The following DCAF5 variants were observed in gnomAD, a reference collection of about 807,000 sequenced individuals.
The protein encoded by DCAF5 is DDB1 and CUL4 associated factor 5.
DCAF5 carries 9 observed loss-of-function variants against 80.7 expected under a neutral mutation model. That is an observed-to-expected ratio of 0.11 (90% CI 0.07 to 0.19). DCAF5 has a LOEUF of 0.19. Ranked by LOEUF, DCAF5 falls within the 10% of genes least tolerant of loss-of-function variation. The pLI, the probability that DCAF5 is intolerant of heterozygous loss-of-function variation, is 1.00. For synonymous variants in DCAF5, 433 were observed against 461.9 expected, an observed-to-expected ratio of 0.94 and a Z score of 0.80; for missense variants, 842 against 1,205.7, an observed-to-expected ratio of 0.70 and a Z score of 4.47.
intron 1 of DCAF5, among the ~76,000 whole-genome samples, chr14:69,140,480 C>T (rs888296452): frequency 1.3e-5 from 2 of 152,114 alleles, no homozygotes; most frequent in East Asian, 1.9e-4. Flanking sequence ...TCATATTTTA[C>T]AGATGACTGT....
chr14:69,086,452 T>A (rs1489517997), intron 6 of DCAF5, among the ~76,000 whole-genome samples: 1 of 150,124 alleles, frequency 6.7e-6, no homozygotes. Flanking sequence ...AAGATATAAA[T>A]GGCAAGGAGA....
At chr14:69,079,331 C>T (rs1443461995) in intron 6 of DCAF5, among the ~76,000 whole-genome samples, 3 of 152,226 alleles carry the variant, frequency 2.0e-5, no homozygotes, top group Non-Finnish European at 2.9e-5. Context: ...TATGACAGCT[C>T]CTAAAATATG....
chr14:69,056,332 A>G (rs35889366), intron 8 of DCAF5, among the ~76,000 whole-genome samples: 1,659 of 152,292 alleles, frequency 0.011, 29 homozygotes, highest in African/African-American at 0.038. Flanking sequence ...ACATGCCCCA[A>G]GGACAGGTAA....
intron 6 of DCAF5, chr14:69,084,191 A>C: frequency 1.1e-6 from 1 of 950,520 alleles, no homozygotes. Flanking sequence ...TGGTGTTCTT[A>C]AGGAGCTAAT....
chr14:69,118,379 G>C lies in DCAF5; in HGVS notation c.396-101C>G, dbSNP rs574040649. ...GAGGGTGCCATCTTTTCCATTTCTA[G>C]AAGAAAGTCAACCTAGCTAAACCCA... On this transcript the variant is annotated intron_variant, in intron 3 of 8. Coordinates refer to ENST00000341516, the MANE Select transcript of DCAF5 (RefSeq NM_003861.3). The surrounding 1 kb of genome is among the most constrained non-coding windows in gnomAD (Gnocchi z 4.0). The C allele has an allele frequency of 3.8e-4, 510 of 1,337,468 alleles. No individual in the cohort carries two copies. The highest frequency in any genetic ancestry group is 4.4e-4 in the Non-Finnish European group (446 of 1,003,982). 82.9% of individuals were successfully genotyped at this position (1,337,468 alleles called of 1,614,324 possible). A position where few individuals can be genotyped will look rare whatever the true frequency, so the allele number is the denominator to read the frequency against.
intron 1 of DCAF5, among the ~76,000 whole-genome samples, chr14:69,133,240 G>A (rs927480038): frequency 2.0e-5 from 3 of 152,150 alleles, no homozygotes; most frequent in African/African-American, 7.2e-5. Context: ...TCTGAATCTA[G>A]GTAATGTGGC....
chr14:69,106,598 C>T (rs1193024260), intron 5 of DCAF5, among the ~76,000 whole-genome samples: 2 of 152,066 alleles, frequency 1.3e-5, no homozygotes. Flanking sequence ...TCTTGAACTC[C>T]TAGCCTCAAG....
At chr14:69,072,956 G>A (rs2038754960) in intron 7 of DCAF5, among the ~76,000 whole-genome samples, 1 of 152,188 alleles carries the variant, frequency 6.6e-6, no homozygotes, top group Admixed American at 6.5e-5. Flanking sequence ...TAGCCTATGT[G>A]GAAAGTATTA....
intron 1 of DCAF5, among the ~76,000 whole-genome samples, chr14:69,150,170 C>A (rs2041657478): frequency 6.6e-6 from 1 of 152,036 alleles, no homozygotes; most frequent in Non-Finnish European, 1.5e-5. Flanking sequence ...GATGGAATAG[C>A]CTGCTGATAG....
intron 5 of DCAF5, among the ~76,000 whole-genome samples, chr14:69,110,921 TAA>T (rs1395609722): frequency 6.9e-6 from 1 of 145,924 alleles, no homozygotes; most frequent in Non-Finnish European, 1.5e-5. Flanking sequence ...GTCTGCTGTG[TAA>T]AAGTTCTTAA....
At position 69,053,989 on chromosome 14, in the gene DCAF5, C is replaced by T. The variant is rs779124260; in HGVS notation, c.2697G>A (p.Glu899=). ...ACETPNAGTR[E]DPTDTPATDS... ...CTGTGGCTGGGGTGTCAGTGGGGTC[C>T]TCTCTTGTTCCAGCATTGGGGGTCT... Residue 899 remains glutamate, a synonymous_variant, in exon 9 of 9, where the codon GAG becomes GAA. Coordinates refer to ENST00000341516, the MANE Select transcript of DCAF5 (RefSeq NM_003861.3). 23 of 1,612,510 alleles carry T rather than the reference C, an allele frequency of 1.4e-5. No homozygotes were observed. Among genetic ancestry groups the T allele is most frequent in the Non-Finnish European group, 2.0e-5 (23 of 1,178,990 alleles).
chr14:69,110,775 A>T (rs1340946993), intron 5 of DCAF5, among the ~76,000 whole-genome samples: 1 of 149,824 alleles, frequency 6.7e-6, no homozygotes, highest in East Asian at 2.0e-4. Flanking sequence ...CTACTTGGGA[A>T]GCTGAAGTGG....
Position 69,118,371 on chromosome 14 carries a change from C to T in DCAF5, c.396-93G>A. 1.5e-6 allele frequency: 2 copies of T among 1,364,178 alleles called. 1 individual carries two copies. Among genetic ancestry groups the T allele is most frequent in the Middle Eastern group, 4.3e-4 (2 of 4,658 alleles). The allele number at this position is 1,364,178 out of a possible 1,614,324, so 84.5% of individuals were successfully genotyped here. A position where few individuals can be genotyped will look rare whatever the true frequency, so the allele number is the denominator to read the frequency against. On this transcript the variant is annotated intron_variant, in intron 3 of 8. Transcript: ENST00000341516. This position sits in a 1 kb window ranked among gnomAD's most constrained non-coding sequence, Gnocchi z 4.0. Reference sequence around the variant, plus strand: ...TTGGTACCGAGGGTGCCATCTTTTCCATTTCTAGAAGAAAGTCAACCTAGC... The same window carrying T: ...TTGGTACCGAGGGTGCCATCTTTTCTATTTCTAGAAGAAAGTCAACCTAGC...
intron 8 of DCAF5, among the ~76,000 whole-genome samples, chr14:69,059,738 C>G (rs1270486163): frequency 6.6e-6 from 1 of 152,164 alleles, no homozygotes; most frequent in Non-Finnish European, 1.5e-5. Context: ...ACCTGTGAGA[C>G]AGCAAAGCTG....
At chr14:69,119,089 T>C (rs1205167206) in intron 3 of DCAF5, 105 bp downstream of exon 3, 2 of 1,111,206 alleles carry the variant, frequency 1.8e-6, no homozygotes, top group East Asian at 5.2e-5. Flanking sequence ...TGGTTTCATG[T>C]TGTTTTTTTC....
rs986236732 is a variant in DCAF5 at position 69,062,286 on chromosome 14, T to C, written c.1074+98A>G. On this transcript the variant is annotated intron_variant, in intron 8 of 8. Coordinates refer to ENST00000341516, the MANE Select transcript of DCAF5 (RefSeq NM_003861.3). ...TCTGAGAATTCTGATAGACCTTTAGTATGTTTAAATATGAGGTCCTACATA... is the reference window on the plus strand; with the variant it reads ...TCTGAGAATTCTGATAGACCTTTAGCATGTTTAAATATGAGGTCCTACATA... 4.0e-6 allele frequency: 5 copies of C among 1,258,356 alleles called. No homozygotes were observed. In the African/African-American group the frequency reaches 4.5e-5, roughly 11 times the overall value. 77.9% of individuals were successfully genotyped at this position (1,258,356 alleles called of 1,614,324 possible).
At chr14:69,131,359 A>C (rs2041034104) in intron 1 of DCAF5, among the ~76,000 whole-genome samples, 1 of 151,904 alleles carries the variant, frequency 6.6e-6, no homozygotes, top group Admixed American at 6.6e-5. Context: ...GTAAGACCAA[A>C]CCTCCTTTTG....
chr14:69,134,507 A>G (rs1595055275), intron 1 of DCAF5, among the ~76,000 whole-genome samples: 1 of 152,246 alleles, frequency 6.6e-6, no homozygotes, highest in Non-Finnish European at 1.5e-5. Context: ...TCCTTAAGAG[A>G]GGGACTCTAA....
chr14:69,075,885 T>G (rs1204152213), intron 6 of DCAF5, among the ~76,000 whole-genome samples: 2 of 152,042 alleles, frequency 1.3e-5, no homozygotes, highest in African/African-American at 4.8e-5. Flanking sequence ...GCAAACACCC[T>G]CTTAAAAATA....
Sources: gnomAD v4.1 joint callset for allele counts (sites outside exome capture counted in the v4.1 genomes callset) on GRCh38, gnomAD v4.1.1 for gene constraint, Gnocchi (gnomAD v3.1) non-coding constraint, MANE v1.5 for transcripts, NCBI Gene and HGNC (gene_info 2026-07-23, HGNC 2026-07-21) for gene names.